The following RPAP2 variants were observed in gnomAD, a reference collection of about 807,000 sequenced individuals.
RPAP2 encodes the protein putative RNA polymerase II subunit B1 CTD phosphatase RPAP2.
RPAP2 carries 52 observed loss-of-function variants against 73.1 expected under a neutral mutation model. The ratio of observed to expected loss-of-function variants is 0.71; its 90% CI spans 0.57 to 0.90. RPAP2 has a LOEUF of 0.90. Ranked by LOEUF, RPAP2 falls within the 40% of genes least tolerant of loss-of-function variation. RPAP2 has a pLI of 0.00. For synonymous variants in RPAP2, 225 were observed against 242.1 expected (o/e 0.93, Z 0.65); for missense variants, 598 against 701.8 (o/e 0.85, Z 1.67).
intron 10 of RPAP2, among the ~76,000 whole-genome samples, chr1:92,342,694 TAAG>T (rs1454014755): frequency 6.6e-6 from 1 of 152,028 alleles, no homozygotes; most frequent in Non-Finnish European, 1.5e-5. Flanking sequence ...GTGGAGGTAA[TAAG>T]AAGTGATCAG....
At position 92,307,256 on chromosome 1, in the gene RPAP2, A is replaced by T; in HGVS notation, c.468A>T (p.Val156=). The T allele has an allele frequency of 1.2e-6, 2 of 1,610,742 alleles. No individual in the cohort carries two copies. Among genetic ancestry groups the T allele is most frequent in the Non-Finnish European group, 1.7e-6 (2 of 1,177,910 alleles). The stretch of plus-strand genomic sequence containing the variant: ...AAGCACAAATTCCCAAAACTCCAGT[A>T]TGGGTTCGAGAAGAAGAGAGGTAAT... ...FFEAQIPKTP[V]WVREEERHPD... The change falls in exon 6 of 13, where the codon GTA becomes GTT. Residue 156 remains valine (V), a synonymous_variant. Coordinates refer to ENST00000610020, the MANE Select transcript of RPAP2 (RefSeq NM_024813.3).
intron 11 of RPAP2, among the ~76,000 whole-genome samples, chr1:92,372,982 T>C (rs564023790): frequency 1.5e-4 from 23 of 152,330 alleles, no homozygotes; most frequent in Non-Finnish European, 2.5e-4. Context: ...CAATAAATAA[T>C]TGTCCTCTTA....
Position 92,304,076 on chromosome 1 carries a change from G to GT in RPAP2, c.333+2dup. On this transcript the variant is annotated splice_donor_variant, in intron 4 of 12. Transcript: ENST00000610020. LOFTEE classifies it high-confidence loss of function. ...TTTATGTCAGAAGAAGCTGGGAATT[G>GT]TAAGTAACTCATTTTTTTTAAAATA... 14 of 1,584,894 alleles carry GT rather than the reference G, an allele frequency of 8.8e-6. No homozygotes were observed. Among genetic ancestry groups the GT allele is most frequent in the Non-Finnish European group, 1.2e-5 (14 of 1,163,662 alleles).
intron 11 of RPAP2, among the ~76,000 whole-genome samples, chr1:92,368,564 G>A (rs1655021004): frequency 6.6e-6 from 1 of 152,138 alleles, no homozygotes; most frequent in Admixed American, 6.6e-5. Flanking sequence ...TACTTCTGAG[G>A]TTTAGTCAAG....
intron 11 of RPAP2, among the ~76,000 whole-genome samples, chr1:92,375,004 T>C (rs986445253): frequency 6.6e-6 from 1 of 151,962 alleles, no homozygotes; most frequent in African/African-American, 2.4e-5. Context: ...ATAAAGTAGA[T>C]GGGGCAAGGA....
At chr1:92,324,456 T>C (rs1366923930) in intron 8 of RPAP2, 81 bp downstream of exon 8, 36 of 1,045,846 alleles carry the variant, frequency 3.4e-5, no homozygotes, top group Non-Finnish European at 5.6e-6. Flanking sequence ...GCAGGAAGGA[T>C]ATTGAAGAGT....
intron 6 of RPAP2, among the ~76,000 whole-genome samples, chr1:92,313,311 T>C (rs902077134): frequency 6.6e-6 from 1 of 152,214 alleles, no homozygotes; most frequent in African/African-American, 2.4e-5. Flanking sequence ...TTGAAATTAC[T>C]CCTTGACCCA....
chr1:92,336,270 A>T (rs984441956), intron 9 of RPAP2, 77 bp from the exon 10 acceptor site: 1 of 918,098 alleles, frequency 1.1e-6, no homozygotes, highest in Non-Finnish European at 1.7e-6. Flanking sequence ...GCTATGGAAA[A>T]TTCAGATCTA....
chr1:92,384,599 G>A (rs961400832), intron 12 of RPAP2, among the ~76,000 whole-genome samples: 1 of 151,290 alleles, frequency 6.6e-6, no homozygotes, highest in Non-Finnish European at 1.5e-5. Context: ...ACTCCAGCCT[G>A]GGTGACAGTG....
At position 92,311,962 on chromosome 1, in the gene RPAP2, G is replaced by A. The variant is rs563980977; in HGVS notation, c.488+4686G>A. On this transcript the variant is annotated intron_variant, in intron 6 of 12. Coordinates refer to ENST00000610020, the MANE Select transcript of RPAP2 (RefSeq NM_024813.3). ...GATGTGGATGGCTGCTAACTGATCAGGGTGGTGGTGTCTATAGGTTGGGAT... is the reference window on the plus strand; with the variant it reads ...GATGTGGATGGCTGCTAACTGATCAAGGTGGTGGTGTCTATAGGTTGGGAT... Among the ~76,000 whole-genome samples the A allele has an allele frequency of 5.1e-4, 78 of 152,316 alleles. 1 individual carries two copies. Among genetic ancestry groups the A allele is most frequent in the African/African-American group, 1.9e-3 (78 of 41,574 alleles).
At chr1:92,378,422 C>T (rs1184050178) in intron 11 of RPAP2, among the ~76,000 whole-genome samples, 2 of 152,000 alleles carry the variant, frequency 1.3e-5, no homozygotes, top group African/African-American at 4.8e-5. Context: ...ACCATGTTGG[C>T]CAGGCTGGTT....
chr1:92,317,089 CTAAA>C (rs1426386457), intron 6 of RPAP2, among the ~76,000 whole-genome samples: 2 of 152,128 alleles, frequency 1.3e-5, no homozygotes, highest in Non-Finnish European at 2.9e-5. Context: ...TTTTCTAACA[CTAAA>C]TAGAGGCAAC....
intron 11 of RPAP2, among the ~76,000 whole-genome samples, chr1:92,368,890 A>G (rs1655036049): frequency 6.6e-6 from 1 of 152,168 alleles, no homozygotes; most frequent in Admixed American, 6.6e-5. Flanking sequence ...CACTTACCAT[A>G]TGGTAAAGAA....
intron 5 of RPAP2, among the ~76,000 whole-genome samples, chr1:92,305,191 G>C (rs1281407122): frequency 6.6e-6 from 1 of 151,888 alleles, no homozygotes; most frequent in Non-Finnish European, 1.5e-5. Flanking sequence ...CCAGCACTTT[G>C]GGAGGCCGAG....
At chr1:92,333,804 A>G (rs1338943520) in intron 9 of RPAP2, among the ~76,000 whole-genome samples, 1 of 152,214 alleles carries the variant, frequency 6.6e-6, no homozygotes, top group Non-Finnish European at 1.5e-5. Context: ...TTTGCGGTAA[A>G]TGTGTCACAG....
At chr1:92,344,138 C>A (rs367938124) in intron 10 of RPAP2, among the ~76,000 whole-genome samples, 1 of 152,150 alleles carries the variant, frequency 6.6e-6, no homozygotes, top group Middle Eastern at 3.4e-3. Flanking sequence ...AGCTGGGCAC[C>A]GTAGCTCATA....
intron 12 of RPAP2, among the ~76,000 whole-genome samples, chr1:92,384,550 G>GGAGGT (rs1310233723): frequency 6.6e-6 from 1 of 151,582 alleles, no homozygotes; most frequent in African/African-American, 2.4e-5. Context: ...CTTGAACTCA[G>GGAGGT]GAGGTGGAGG....
chr1:92,345,554 A>G (rs569760379), intron 10 of RPAP2, among the ~76,000 whole-genome samples: 7 of 151,136 alleles, frequency 4.6e-5, no homozygotes, highest in Non-Finnish European at 1.0e-4. Context: ...GTGTGTTTTA[A>G]TCAAGCAATT....
At chr1:92,378,509 G>A (rs748202558) in intron 11 of RPAP2, among the ~76,000 whole-genome samples, 2 of 152,100 alleles carry the variant, frequency 1.3e-5, no homozygotes, top group Non-Finnish European at 2.9e-5. Context: ...CATCGCGCCC[G>A]GCCAGTACCA....
Sources: gnomAD v4.1 joint callset for allele counts (sites outside exome capture counted in the v4.1 genomes callset) on GRCh38, gnomAD v4.1.1 for gene constraint, MANE v1.5 for transcripts, NCBI Gene and HGNC (gene_info 2026-07-23, HGNC 2026-07-21) for gene names.